Variants in CA10 observed in about 807,000 individuals in gnomAD.
CA10 encodes carbonic anhydrase-related protein 10.
A neutral mutation model predicts 44.2 loss-of-function variants in CA10; 14 were observed. The ratio of observed to expected loss-of-function variants is 0.32; its 90% CI spans 0.21 to 0.50. The LOEUF (loss-of-function observed/expected upper bound fraction) is 0.50. CA10 is among the 20% of genes least tolerant of loss of function. CA10 has a pLI of 0.99. For synonymous variants in CA10, 159 were observed against 141.6 expected, an observed-to-expected ratio of 1.12 and a Z score of -0.87; for missense variants, 350 against 409.7, an observed-to-expected ratio of 0.85 and a Z score of 1.26.
chr17:51,959,155 C>G (rs1238618830), intron 2 of CA10, among the ~76,000 whole-genome samples: 1 of 151,728 alleles, frequency 6.6e-6, no homozygotes, highest in East Asian at 1.9e-4. Context: ...GTCACAAAGC[C>G]TTAGACTAGT....
intron 4 of CA10, among the ~76,000 whole-genome samples, chr17:51,658,394 T>C (rs979143222): frequency 2.6e-5 from 4 of 152,084 alleles, no homozygotes; most frequent in East Asian, 1.9e-4. Context: ...TACTTACAGA[T>C]TGAAAGGTAG....
At chr17:52,045,562 T>A (rs987655759) in intron 2 of CA10, among the ~76,000 whole-genome samples, 5 of 152,140 alleles carry the variant, frequency 3.3e-5, no homozygotes, top group African/African-American at 1.2e-4. Flanking sequence ...GGAACTATAC[T>A]GTTGTAAGGT....
chr17:52,102,615 C>T (rs1988565788), intron 1 of CA10, among the ~76,000 whole-genome samples: 1 of 152,130 alleles, frequency 6.6e-6, no homozygotes, highest in African/African-American at 2.4e-5. Context: ...ACTACATAAC[C>T]CAAACCAATC....
At chr17:51,770,231 C>CGCCCA (rs559216037) in intron 3 of CA10, among the ~76,000 whole-genome samples, 20 of 151,840 alleles carry the variant, frequency 1.3e-4, no homozygotes, top group Middle Eastern at 3.4e-3. Context: ...CTCCCCGCCC[C>CGCCCA]GCCCAGAAAT....
intron 2 of CA10, among the ~76,000 whole-genome samples, chr17:52,022,606 G>A (rs1329122200): frequency 1.3e-5 from 2 of 151,994 alleles, no homozygotes. Context: ...AGAACTCCTA[G>A]CCAGACAAAT....
intron 3 of CA10, among the ~76,000 whole-genome samples, chr17:51,907,058 A>C (rs1981586744): frequency 6.6e-6 from 1 of 152,158 alleles, no homozygotes; most frequent in Non-Finnish European, 1.5e-5. Flanking sequence ...AAAGCTTTCT[A>C]GTGGTTCCCT....
chr17:52,108,817 C>A (rs1410115582), intron 1 of CA10, among the ~76,000 whole-genome samples: 1 of 151,464 alleles, frequency 6.6e-6, no homozygotes, highest in Non-Finnish European at 1.5e-5. Flanking sequence ...GTGTATACTG[C>A]TCAGTGATGG....
intron 1 of CA10, among the ~76,000 whole-genome samples, chr17:52,085,812 G>A (rs1988102574): frequency 6.6e-6 from 1 of 152,002 alleles, no homozygotes; most frequent in South Asian, 2.1e-4. Flanking sequence ...TGAACTATCT[G>A]CTCTTGGTGA....
chr17:51,789,651 C>T (rs1202329563), intron 3 of CA10, among the ~76,000 whole-genome samples: 1 of 152,178 alleles, frequency 6.6e-6, no homozygotes, highest in Non-Finnish European at 1.5e-5. Flanking sequence ...ACCTGACTAA[C>T]ATATCCTCCC....
intron 2 of CA10, among the ~76,000 whole-genome samples, chr17:52,062,676 G>A (rs1987421944): frequency 6.6e-6 from 1 of 152,226 alleles, no homozygotes; most frequent in South Asian, 2.1e-4. Flanking sequence ...GAGGGTGCAA[G>A]CCATAAATCT....
At chr17:51,769,862 CA>C (rs1182542596) in intron 3 of CA10, among the ~76,000 whole-genome samples, 1 of 152,110 alleles carries the variant, frequency 6.6e-6, no homozygotes, top group Admixed American at 6.5e-5. Context: ...AATTCAGCCA[CA>C]GGCAATGATC....
intron 3 of CA10, among the ~76,000 whole-genome samples, chr17:51,929,100 T>A (rs1478068448): frequency 6.6e-6 from 1 of 152,128 alleles, no homozygotes; most frequent in Non-Finnish European, 1.5e-5. Flanking sequence ...TACAAAATCA[T>A]CTGTTCAAAA....
intron 2 of CA10, among the ~76,000 whole-genome samples, chr17:52,020,729 T>G (rs1986111671): frequency 6.6e-6 from 1 of 152,004 alleles, no homozygotes; most frequent in Non-Finnish European, 1.5e-5. Flanking sequence ...GATGCTGATG[T>G]TTGGGGCATG....
At chr17:51,798,210 C>A (rs1906790739) in intron 3 of CA10, among the ~76,000 whole-genome samples, 2 of 152,178 alleles carry the variant, frequency 1.3e-5, no homozygotes, top group South Asian at 4.2e-4. Flanking sequence ...ATTTATTGAT[C>A]AAAAATATGT....
At chr17:51,998,282 A>C (rs1222273752) in intron 2 of CA10, among the ~76,000 whole-genome samples, 1 of 152,110 alleles carries the variant, frequency 6.6e-6, no homozygotes, top group Non-Finnish European at 1.5e-5. Context: ...TAGTATAATA[A>C]TTTTGTGCTT....
At chr17:51,923,806 G>T (rs188085461) in intron 3 of CA10, among the ~76,000 whole-genome samples, 2 of 152,156 alleles carry the variant, frequency 1.3e-5, no homozygotes, top group African/African-American at 4.8e-5. Flanking sequence ...TTTTCCCCAT[G>T]GGCCTTCTCA....
chr17:52,010,388 C>CTG (rs745512640), intron 2 of CA10, among the ~76,000 whole-genome samples: 2 of 151,590 alleles, frequency 1.3e-5, no homozygotes, highest in Non-Finnish European at 2.9e-5. Context: ...AGAAAATGTG[C>CTG]TGTGTGTGTG....
At chr17:52,141,374 C>T (rs187069527) in intron 1 of CA10, among the ~76,000 whole-genome samples, 219 of 152,198 alleles carry the variant, frequency 1.4e-3, no homozygotes, top group African/African-American at 4.6e-3. Flanking sequence ...TTGAAGCTTC[C>T]GAGCTTTTAA....
At chr17:51,741,391 C>T (rs2143588740) in intron 4 of CA10, among the ~76,000 whole-genome samples, 1 of 152,312 alleles carries the variant, frequency 6.6e-6, no homozygotes, top group South Asian at 2.1e-4. Context: ...AATTCCAGAA[C>T]ATGTCTTAGT....
Sources: gnomAD v4.1 joint callset for allele counts (sites outside exome capture counted in the v4.1 genomes callset) on GRCh38, gnomAD v4.1.1 for gene constraint, MANE v1.5 for transcripts, NCBI Gene and HGNC (gene_info 2026-07-23, HGNC 2026-07-21) for gene names.